The following MAP7D2 variants were observed in gnomAD, a reference collection of about 807,000 sequenced individuals.
MAP7D2 encodes MAP7 domain-containing protein 2.
Under a neutral mutation model 63.5 loss-of-function variants are expected in MAP7D2, and 33 were observed. That is an observed-to-expected ratio of 0.52 (90% CI 0.39 to 0.70). MAP7D2 has a LOEUF of 0.70. Among genes scored for constraint, MAP7D2 ranks in the 30% least tolerant of loss-of-function variants. MAP7D2 has a pLI of 0.00. For missense variants in MAP7D2, 626 were observed against 604.0 expected (o/e 1.04, Z -0.38); for synonymous variants, 224 against 223.7 (o/e 1.00, Z -0.01).
Position 20,096,118 on chromosome X carries a change from AAAAAG to A in MAP7D2, c.130+20627_130+20631del, listed in dbSNP as rs1296546032. Among the ~76,000 whole-genome samples, 708 of 106,956 alleles carry A rather than the reference AAAAAG, an allele frequency of 6.6e-3. 2 individuals are homozygous for A. The highest frequency in any genetic ancestry group is 0.011 in the Non-Finnish European group (554 of 51,758). The allele number at this position is 106,956 out of a possible 115,157, so 92.9% of individuals were successfully genotyped here. ...AAAAAAAAAAAAAAGGAAAAAAGAA[AAAAAG>A]AAAAGAAAAGAAAAGAAATTCTGGC... is the stretch of plus-strand genomic sequence containing the variant. On this transcript the variant is annotated intron_variant, in intron 1 of 16. Transcript: ENST00000379643.
At chrX:20,049,625 T>G (rs2064892887) in intron 6 of MAP7D2, among the ~76,000 whole-genome samples, 1 of 112,105 alleles carries the variant, frequency 8.9e-6, no homozygotes, top group African/African-American at 3.2e-5. Context: ...TATCATATTT[T>G]CTTTCCACTT....
chrX:20,088,581 T>G (rs1255353993), intron 1 of MAP7D2, among the ~76,000 whole-genome samples: 1 of 96,275 alleles, frequency 1.0e-5, no homozygotes, highest in Non-Finnish European at 2.1e-5. Flanking sequence ...CACCTCAGCC[T>G]CCCAAAGTGT....
chrX:20,048,061 A>G (rs1373044944), intron 6 of MAP7D2, among the ~76,000 whole-genome samples: 1 of 111,071 alleles, frequency 9.0e-6, no homozygotes, highest in Non-Finnish European at 1.9e-5. Context: ...TGCAAAAATG[A>G]GTTAACATAG....
chrX:20,052,880 C>T lies in MAP7D2; in HGVS notation c.593G>A (p.Arg198Gln), dbSNP rs751019582. The T allele has an allele frequency of 1.0e-5, 12 of 1,192,153 alleles. No homozygotes were observed. Among genetic ancestry groups the T allele is most frequent in the African/African-American group, 7.0e-5 (4 of 56,830 alleles). ...ACCAAGTCTACATGTTCACTTGCCT[C>T]GGTCTGGGGAATAGGATATTGCCAC... ...STVAISYSPD[R>Q]AHHMHLSPME... Residue 198 changes from arginine to glutamine, a missense_variant and splice_region_variant, in exon 5 of 17, where the codon CGA (arginine) becomes CAA (glutamine). Arg to Gln is a conservative substitution (Grantham distance 43, BLOSUM62 1). Coordinates refer to ENST00000379643, the MANE Select transcript of MAP7D2 (RefSeq NM_001168465.2).
intron 3 of MAP7D2, among the ~76,000 whole-genome samples, chrX:20,061,349 G>A (rs370593213): frequency 9.0e-5 from 10 of 111,176 alleles, no homozygotes; most frequent in African/African-American, 2.6e-4. Context: ...GCAGAGCACC[G>A]ACCCAATGTA....
chrX:20,059,919 T>C (rs926311572), intron 3 of MAP7D2, among the ~76,000 whole-genome samples: 6 of 111,257 alleles, frequency 5.4e-5, no homozygotes, highest in Non-Finnish European at 1.1e-4. Context: ...GTATTAAAGG[T>C]TGCCAGCAGG....
At chrX:20,087,430 A>T (rs778241432) in intron 1 of MAP7D2, among the ~76,000 whole-genome samples, 4 of 111,378 alleles carry the variant, frequency 3.6e-5, no homozygotes, top group African/African-American at 1.3e-4. Flanking sequence ...GCACATGCTA[A>T]CTCCCCTTCC....
chrX:20,092,774 G>C (rs1569138450), intron 1 of MAP7D2, among the ~76,000 whole-genome samples: 1 of 112,528 alleles, frequency 8.9e-6, no homozygotes, highest in African/African-American at 3.2e-5. Context: ...TCTGTACCAG[G>C]TACGAGTAAC....
In MAP7D2 at chrX:20,008,210, G is replaced by C. The variant is rs1281664551; in HGVS notation, c.*215C>G. 8.9e-6 allele frequency: 1 copy of C among 112,133 alleles called. No homozygotes were observed. Among genetic ancestry groups the C allele is most frequent in the Non-Finnish European group, 1.9e-5 (1 of 53,231 alleles). 9.2% of individuals were successfully genotyped at this position (112,133 alleles called of 1,213,427 possible). A position where few individuals can be genotyped will look rare whatever the true frequency, so the allele number is the denominator to read the frequency against. ...AAACAGAACTGTAAAAGGAAACTTT[G>C]CTAAAGCCCAGCAAGGTGAAAGTTT... is the stretch of plus-strand genomic sequence containing the variant. On this transcript the variant is annotated 3_prime_UTR_variant, in exon 17 of 17. Coordinates refer to ENST00000379643, the MANE Select transcript of MAP7D2 (RefSeq NM_001168465.2).
intron 8 of MAP7D2, among the ~76,000 whole-genome samples, chrX:20,035,074 G>A (rs2074179973): frequency 9.0e-6 from 1 of 111,178 alleles, no homozygotes; most frequent in Admixed American, 9.5e-5. Flanking sequence ...AGTGCTTATC[G>A]CCACCTGATC....
chrX:20,097,759 G>A (rs1179217056), intron 1 of MAP7D2, among the ~76,000 whole-genome samples: 1 of 111,444 alleles, frequency 9.0e-6, no homozygotes, highest in African/African-American at 3.3e-5. Flanking sequence ...GGGAAGTGCT[G>A]TCCTGCTAAC....
At chrX:20,016,656 T>C (rs1412590626) in intron 10 of MAP7D2, among the ~76,000 whole-genome samples, 1 of 112,582 alleles carries the variant, frequency 8.9e-6, no homozygotes, top group Non-Finnish European at 1.9e-5. Context: ...ATCATTCTTA[T>C]TGAATGACAA....
At chrX:20,075,886 G>A (rs907136285) in intron 1 of MAP7D2, among the ~76,000 whole-genome samples, 14 of 111,415 alleles carry the variant, frequency 1.3e-4, no homozygotes, top group Non-Finnish European at 2.3e-4. Context: ...TCTGACAAGA[G>A]CAGAACCAGG....
At chrX:20,040,768 T>C (rs1317129185) in intron 8 of MAP7D2, among the ~76,000 whole-genome samples, 1 of 111,490 alleles carries the variant, frequency 9.0e-6, no homozygotes, top group Non-Finnish European at 1.9e-5. Context: ...CAAAGATCAT[T>C]GATCACAGAT....
chrX:20,020,406 C>A (rs1187466055), intron 10 of MAP7D2, among the ~76,000 whole-genome samples: 1 of 111,749 alleles, frequency 8.9e-6, no homozygotes, highest in Non-Finnish European at 1.9e-5. Context: ...GGCCTGTATC[C>A]ACTCATCTCT....
chrX:20,022,206 AG>A (rs1224025944), intron 10 of MAP7D2, among the ~76,000 whole-genome samples: 1 of 111,718 alleles, frequency 9.0e-6, no homozygotes, highest in Non-Finnish European at 1.9e-5. Context: ...GTGGGGGCAA[AG>A]TAAAAGCACA....
Position 20,016,180 on chromosome X carries a change from C to T in MAP7D2, c.1558G>A (p.Glu520Lys), listed in dbSNP as rs980735757. Residue 520 changes from glutamate (E) to lysine (K), a missense_variant, in exon 11 of 17, where the codon GAG (glutamate) becomes AAG (lysine). Glu to Lys is a moderately conservative substitution (Grantham distance 56). Coordinates refer to ENST00000379643, the MANE Select transcript of MAP7D2 (RefSeq NM_001168465.2). ...EGEEKRKAGEEAKRKAEEELL... is the reference protein window; with the variant it reads ...EGEEKRKAGEKAKRKAEEELL... Reference sequence around the variant, plus strand: ...TCCTCCTCAGCCTTCCGCTTGGCCTCCTCGCCTGCCTTTCTTTTCTCTTCC... The same window carrying T: ...TCCTCCTCAGCCTTCCGCTTGGCCTTCTCGCCTGCCTTTCTTTTCTCTTCC... The T allele has an allele frequency of 3.3e-5, 39 of 1,192,824 alleles. No homozygotes were observed. Among genetic ancestry groups the T allele is most frequent in the Non-Finnish European group, 4.1e-5 (36 of 886,144 alleles).
At chrX:20,109,110 G>A (rs776953718) in intron 1 of MAP7D2, among the ~76,000 whole-genome samples, 5 of 108,678 alleles carry the variant, frequency 4.6e-5, no homozygotes, top group African/African-American at 1.0e-4. Flanking sequence ...GTAAGATGTG[G>A]CTAGATAGTA....
intron 7 of MAP7D2, 67 bp downstream of exon 7, chrX:20,044,297 G>C (rs2064736750): frequency 1.9e-6 from 2 of 1,078,446 alleles, no homozygotes; most frequent in Non-Finnish European, 2.5e-6. Flanking sequence ...GTCAAGCACA[G>C]AAGTAATCAC....
Sources: gnomAD v4.1 joint callset for allele counts (sites outside exome capture counted in the v4.1 genomes callset) on GRCh38, gnomAD v4.1.1 for gene constraint, MANE v1.5 for transcripts, NCBI Gene and HGNC (gene_info 2026-07-23, HGNC 2026-07-21) for gene names.